Variants in TERB2 observed in about 807,000 individuals in gnomAD.
TERB2 encodes the protein telomere repeats-binding bouquet formation protein 2.
In TERB2, 26 loss-of-function variants were observed where a neutral mutation model predicts 29.8. That is an observed-to-expected ratio of 0.87 (90% CI 0.64 to 1.21). The LOEUF is 1.21. Ranked by LOEUF, TERB2 falls within the 50% of genes most tolerant of loss-of-function variation. The pLI is 0.00. For missense variants in TERB2, 240 were observed against 268.6 expected (o/e 0.89, Z 0.74); for synonymous variants, 80 against 90.8 (o/e 0.88, Z 0.68).
chr15:44,961,937 T>C (rs564994411), intron 4 of TERB2, among the ~76,000 whole-genome samples: 1 of 152,250 alleles, frequency 6.6e-6, no homozygotes, highest in Non-Finnish European at 1.5e-5. Flanking sequence ...GGCCCTCAAG[T>C]GATCCGCCCA....
At chr15:44,971,413 G>T (rs1446825065) in intron 5 of TERB2, among the ~76,000 whole-genome samples, 1 of 152,084 alleles carries the variant, frequency 6.6e-6, no homozygotes, top group Admixed American at 6.6e-5. Flanking sequence ...TATTTTAATC[G>T]ATTCTCTCTT....
At position 44,979,130 on chromosome 15, in the gene TERB2, C is replaced by T. The variant is rs2141246590; in HGVS notation, c.*502C>T. The T allele has an allele frequency of 6.6e-6, 1 of 152,304 alleles. No homozygotes were observed. Among genetic ancestry groups the T allele is most frequent in the South Asian group, 2.1e-4 (1 of 4,830 alleles). The allele number at this position is 152,304 out of a possible 1,614,324, so 9.4% of individuals were successfully genotyped here. ...AGGATGCTAGTTGCATTCTGAATTA[C>T]TGTTTCTGGTTTGAAACATGGAGAA... is the stretch of plus-strand genomic sequence containing the variant. On this transcript the variant is annotated 3_prime_UTR_variant, in exon 7 of 7. Coordinates refer to ENST00000340827, the MANE Select transcript of TERB2 (RefSeq NM_152448.3).
chr15:44,963,609 A>G (rs1205491791), intron 4 of TERB2, among the ~76,000 whole-genome samples: 1 of 151,662 alleles, frequency 6.6e-6, no homozygotes, highest in Non-Finnish European at 1.5e-5. Flanking sequence ...TAAGTGTGAT[A>G]GTGGTGTTGT....
At position 44,958,487 on chromosome 15, in the gene TERB2, T is replaced by G. The variant is rs147135555; in HGVS notation, c.261T>G (p.Ile87Met). 828 of 1,613,712 alleles carry G rather than the reference T, an allele frequency of 5.1e-4. 8 individuals are homozygous for G. The African/African-American group carries it at 0.01, about 20-fold the overall frequency. Residue 87 changes from isoleucine to methionine, a missense_variant, in exon 3 of 7, where the codon ATT becomes ATG. Ile to Met is a conservative substitution (Grantham distance 10). Coordinates refer to ENST00000340827, the MANE Select transcript of TERB2 (RefSeq NM_152448.3). The part of the protein sequence containing the change: ...IKNSVALGHF[I>M]LPPACLQKEI... The stretch of plus-strand genomic sequence containing the variant: ...ACTCGGTGGCTTTGGGTCATTTCAT[T>G]CTTCCTCCTGCGTGCCTGCAAAAAG...
At chr15:44,957,892 C>A (rs1276643932) in intron 2 of TERB2, among the ~76,000 whole-genome samples, 1 of 151,228 alleles carries the variant, frequency 6.6e-6, no homozygotes, top group Non-Finnish European at 1.5e-5. Flanking sequence ...TCATGACTTC[C>A]GTAGCCCAGT....
At chr15:44,976,698 G>C (rs1402199848) in intron 6 of TERB2, among the ~76,000 whole-genome samples, 17 of 152,118 alleles carry the variant, frequency 1.1e-4, no homozygotes, top group Admixed American at 1.1e-3. Context: ...ATGTGGGATT[G>C]TCCACCAGGA....
chr15:44,957,411 G>T (rs965446539), intron 2 of TERB2, among the ~76,000 whole-genome samples: 1 of 151,984 alleles, frequency 6.6e-6, no homozygotes, highest in African/African-American at 2.4e-5. Context: ...TGAATTCCAA[G>T]TGTGTGTTTC....
At chr15:44,957,213 C>CAA (rs112896617) in intron 2 of TERB2, among the ~76,000 whole-genome samples, 19 of 110,122 alleles carry the variant, frequency 1.7e-4, no homozygotes, top group African/African-American at 5.8e-4. Flanking sequence ...GATTCCATCT[C>CAA]AAAAAAAAAA....
chr15:44,979,018 C>T lies in TERB2; in HGVS notation c.*390C>T, dbSNP rs2141246548. On this transcript the variant is annotated 3_prime_UTR_variant, in exon 7 of 7. Coordinates refer to ENST00000340827, the MANE Select transcript of TERB2 (RefSeq NM_152448.3). ...CTTTCAAATGTTCTTTTGGCTTTAA[C>T]ATTCTATTAATTATATTTTTTCTAG... The T allele has an allele frequency of 6.5e-6, 1 of 152,814 alleles. No individual in the cohort carries two copies. Among genetic ancestry groups the T allele is most frequent in the East Asian group, 1.9e-4 (1 of 5,200 alleles). 9.5% of individuals were successfully genotyped at this position (152,814 alleles called of 1,614,324 possible). A position where few individuals can be genotyped will look rare whatever the true frequency, so the allele number is the denominator to read the frequency against.
chr15:44,960,255 C>A (rs1451881425), intron 3 of TERB2, among the ~76,000 whole-genome samples: 1 of 152,198 alleles, frequency 6.6e-6, no homozygotes. Context: ...TAAAAGTATA[C>A]CTTTTTAATC....
intron 4 of TERB2, among the ~76,000 whole-genome samples, chr15:44,961,912 C>T (rs528101742): frequency 3.3e-5 from 5 of 152,214 alleles, no homozygotes; most frequent in Non-Finnish European, 5.9e-5. Context: ...GTTGGCCAGG[C>T]TGTTCTCGAA....
chr15:44,964,844 T>C (rs1360200875), intron 4 of TERB2, among the ~76,000 whole-genome samples: 1 of 152,142 alleles, frequency 6.6e-6, no homozygotes, highest in African/African-American at 2.4e-5. Context: ...GGAGTGGATT[T>C]AAGTTTTTAT....
intron 5 of TERB2, among the ~76,000 whole-genome samples, chr15:44,972,809 C>T (rs1175109369): frequency 6.6e-6 from 1 of 151,842 alleles, no homozygotes; most frequent in Non-Finnish European, 1.5e-5. Context: ...AACCACTGTT[C>T]CTGGCCACCT....
chr15:44,965,970 A>G, intron 4 of TERB2, among the ~76,000 whole-genome samples, 188 bp from the exon 5 acceptor site: 1 of 152,088 alleles, frequency 6.6e-6, no homozygotes, highest in Admixed American at 6.5e-5. Flanking sequence ...TAGTATAATT[A>G]TATGTGTGTG....
intron 5 of TERB2, among the ~76,000 whole-genome samples, chr15:44,968,300 C>T (rs1891917710): frequency 6.6e-6 from 1 of 152,116 alleles, no homozygotes; most frequent in African/African-American, 2.4e-5. Flanking sequence ...ACTGCAACCT[C>T]TGCCTCCTGG....
chr15:44,959,615 G>A (rs575202644), intron 3 of TERB2, among the ~76,000 whole-genome samples: 131 of 152,194 alleles, frequency 8.6e-4, no homozygotes, highest in South Asian at 1.5e-3. Context: ...TGATCCACCC[G>A]CCTCAGCCCC....
At chr15:44,977,113 A>C (rs1892058336) in intron 6 of TERB2, among the ~76,000 whole-genome samples, 1 of 151,866 alleles carries the variant, frequency 6.6e-6, no homozygotes, top group Non-Finnish European at 1.5e-5. Flanking sequence ...ACACACACAC[A>C]CACCCCAGAA....
chr15:44,971,450 ATTTGTTAATAATGAAAGTAT>A, intron 5 of TERB2, among the ~76,000 whole-genome samples: 1 of 152,156 alleles, frequency 6.6e-6, no homozygotes, highest in East Asian at 1.9e-4. Flanking sequence ...CAGTCATATC[ATTTGTTAATAATGAAAGTAT>A]TCCAGCTGGG....
chr15:44,975,287 T>G (rs1892028463), intron 6 of TERB2, among the ~76,000 whole-genome samples: 1 of 152,186 alleles, frequency 6.6e-6, no homozygotes. Context: ...TATTTGTTTT[T>G]AATTTTGATG....
Sources: gnomAD v4.1 joint callset for allele counts (sites outside exome capture counted in the v4.1 genomes callset) on GRCh38, gnomAD v4.1.1 for gene constraint, MANE v1.5 for transcripts, NCBI Gene and HGNC (gene_info 2026-07-23, HGNC 2026-07-21) for gene names.